HOXC6: variants seen among roughly 807,000 people sequenced by gnomAD.
HOXC6 encodes the protein homeobox C6, also known as homeobox protein Hox-C6.
A neutral mutation model predicts 24.0 loss-of-function variants in HOXC6; 10 were observed. The ratio of observed to expected loss-of-function variants is 0.42; its 90% CI spans 0.26 to 0.71. The LOEUF (loss-of-function observed/expected upper bound fraction) is 0.71. HOXC6 is among the 30% of genes least tolerant of loss of function. The pLI is 0.28. For synonymous variants in HOXC6, 123 were observed against 128.1 expected (o/e 0.96, Z 0.27); for missense variants, 258 against 303.4 (o/e 0.85, Z 1.11).
At chr12:54,018,033 G>C (rs1015656997) in intron 1 of HOXC6, among the ~76,000 whole-genome samples, 52 of 152,328 alleles carry the variant, frequency 3.4e-4, no homozygotes, top group African/African-American at 7.5e-4. Flanking sequence ...TGGCAATTAG[G>C]GGGGAGGCTG....
chr12:54,027,339 C>T (rs980072901), upstream of HOXC6, among the ~76,000 whole-genome samples: 2 of 152,144 alleles, frequency 1.3e-5, no homozygotes, highest in Non-Finnish European at 2.9e-5. Flanking sequence ...CCTCCACTGG[C>T]GGTGCCCTGA....
intron 1 of HOXC6, among the ~76,000 whole-genome samples, chr12:54,017,724 G>T (rs1940219838): frequency 6.6e-6 from 1 of 152,158 alleles, no homozygotes; most frequent in African/African-American, 2.4e-5. Flanking sequence ...GCTGCCCACT[G>T]TGTCAGTACC....
intron 1 of HOXC6, 75 bp downstream of exon 1, chr12:54,028,996 G>GTTTT: frequency 7.0e-7 from 1 of 1,434,266 alleles, no homozygotes; most frequent in East Asian, 2.3e-5. Flanking sequence ...AGAAGAACGG[G>GTTTT]CGGAGAGAGT....
intron 1 of HOXC6, among the ~76,000 whole-genome samples, chr12:54,019,426 G>A (rs941565128): frequency 3.3e-5 from 5 of 152,162 alleles, no homozygotes; most frequent in African/African-American, 1.2e-4. Context: ...AGGGAGTGCG[G>A]TGGGACACAA....
chr12:54,019,339 G>C (rs1269823894), intron 1 of HOXC6, among the ~76,000 whole-genome samples: 6 of 152,176 alleles, frequency 3.9e-5, no homozygotes, highest in African/African-American at 4.8e-5. Context: ...GCTCAGGCAC[G>C]GCCCAGTGGC....
At chr12:54,019,107 C>G (rs1383107895) in intron 1 of HOXC6, among the ~76,000 whole-genome samples, 1 of 137,528 alleles carries the variant, frequency 7.3e-6, no homozygotes, top group Non-Finnish European at 1.5e-5. Context: ...ATTCCCCTTT[C>G]GCAGCCATCA....
upstream of HOXC6, chr12:54,028,368 C>T: frequency 1.3e-6 from 1 of 741,582 alleles, no homozygotes; most frequent in South Asian, 2.2e-5. Flanking sequence ...TTCCTGACAT[C>T]TGGCTTGCGA....
chr12:54,019,562 G>A (rs538155478), intron 1 of HOXC6, among the ~76,000 whole-genome samples: 1 of 152,282 alleles, frequency 6.6e-6, no homozygotes, highest in African/African-American at 2.4e-5. Flanking sequence ...GTGGATGGCC[G>A]CTGATGGGGG....
chr12:54,018,081 C>A (rs1940242315), intron 1 of HOXC6, among the ~76,000 whole-genome samples: 1 of 152,072 alleles, frequency 6.6e-6, no homozygotes, highest in South Asian at 2.1e-4. Context: ...GAGCGTCTGC[C>A]CACCCCCTGC....
upstream of HOXC6, among the ~76,000 whole-genome samples, chr12:54,024,865 T>A (rs982497846): frequency 1.3e-5 from 2 of 152,228 alleles, no homozygotes; most frequent in African/African-American, 4.8e-5. Context: ...TAAATTTCTC[T>A]CCTATAATTA....
At chr12:54,028,406 G>A (rs1592231212), upstream of HOXC6, 9 of 1,195,172 alleles carry the variant, frequency 7.5e-6, no homozygotes, top group East Asian at 2.2e-4. Flanking sequence ...AGCTGACTTT[G>A]TCATTTTGTC....
At chr12:54,017,904 C>T (rs1231607091) in intron 1 of HOXC6, among the ~76,000 whole-genome samples, 1 of 152,158 alleles carries the variant, frequency 6.6e-6, no homozygotes, top group Non-Finnish European at 1.5e-5. Flanking sequence ...CCCTGTCTGG[C>T]AGCCCCCTCC....
At position 54,029,700 on chromosome 12, in the gene HOXC6, C is replaced by T. The variant is rs1003317155; in HGVS notation, c.446C>T (p.Ser149Leu). 8 of 1,614,140 alleles carry T rather than the reference C, an allele frequency of 5.0e-6. No homozygotes were observed. Among genetic ancestry groups the T allele is most frequent in the Non-Finnish European group, 6.8e-6 (8 of 1,179,970 alleles). ...CGGAGGCGCGGCCGCCAGATCTACT[C>T]GCGGTACCAGACCCTGGAACTGGAG... ...ADRRRGRQIY[S>L]RYQTLELEKE... Residue 149 changes from serine to leucine, a missense_variant, in exon 2 of 2, where the codon TCG (serine) becomes TTG (leucine). Ser to Leu is a moderately radical substitution (Grantham distance 145). Transcript: ENST00000243108.
upstream of HOXC6, among the ~76,000 whole-genome samples, chr12:54,026,455 C>T (rs1940701183): frequency 6.6e-6 from 1 of 152,202 alleles, no homozygotes; most frequent in Admixed American, 6.5e-5. Flanking sequence ...TGAGATAACT[C>T]ATCTAAAATT....
intron 1 of HOXC6, among the ~76,000 whole-genome samples, chr12:54,022,940 CT>C (rs753467658): frequency 6.6e-4 from 101 of 152,320 alleles, no homozygotes; most frequent in Non-Finnish European, 8.2e-4. Context: ...CCTATTGCGG[CT>C]TCTTCCTCAT....
In HOXC6 at chr12:54,030,549, CTG is replaced by C. The variant is rs1940947450; in HGVS notation, c.*590_*591del. The C allele has an allele frequency of 1.3e-5, 2 of 152,668 alleles. No homozygotes were observed. Among genetic ancestry groups the C allele is most frequent in the African/African-American group, 4.8e-5 (2 of 41,456 alleles). 9.5% of individuals were successfully genotyped at this position (152,668 alleles called of 1,614,324 possible). The stretch of plus-strand genomic sequence containing the variant: ...GGGGGTCATTATGGCATTTTACAAA[CTG>C]TGACCGTTTCTGTGTGAAGATTTTT... On this transcript the variant is annotated 3_prime_UTR_variant, in exon 2 of 2. Transcript: ENST00000243108.
chr12:54,018,712 G>A (rs1289927368), intron 1 of HOXC6, among the ~76,000 whole-genome samples: 3 of 151,978 alleles, frequency 2.0e-5, no homozygotes, highest in Admixed American at 6.5e-5. Flanking sequence ...TTTATAAACG[G>A]CGACGCACAC....
At chr12:54,026,117 A>C (rs1210398918), upstream of HOXC6, among the ~76,000 whole-genome samples, 2 of 152,134 alleles carry the variant, frequency 1.3e-5, no homozygotes, top group African/African-American at 4.8e-5. Flanking sequence ...TCTCTCTCTG[A>C]AATTGGAGGG....
chr12:54,018,495 G>T (rs1032588612), intron 1 of HOXC6, among the ~76,000 whole-genome samples: 28 of 152,246 alleles, frequency 1.8e-4, no homozygotes, highest in African/African-American at 6.8e-4. Context: ...CGGCGGGAGG[G>T]TCCTGGGCAC....
Sources: allele counts gnomAD v4.1 joint callset (sites outside exome capture counted in the v4.1 genomes callset), GRCh38; gene constraint gnomAD v4.1.1; transcripts MANE v1.5; gene names NCBI Gene and HGNC (gene_info 2026-07-23, HGNC 2026-07-21).